ANK3: variants seen among roughly 807,000 people sequenced by gnomAD.
ANK3 encodes the protein ankyrin 3, also known as ankyrin-3.
In ANK3, 57 loss-of-function variants were observed where a neutral mutation model predicts 370.9. That is an observed-to-expected ratio of 0.15 (90% CI 0.12 to 0.19). The LOEUF is 0.19. ANK3 is among the 10% of genes least tolerant of loss of function. ANK3 has a pLI of 1.00. For synonymous variants in ANK3, 1,929 were observed against 1,946.3 expected, an observed-to-expected ratio of 0.99 and a Z score of 0.23; for missense variants, 4,439 against 5,302.1, an observed-to-expected ratio of 0.84 and a Z score of 5.06.
intron 2 of ANK3, among the ~76,000 whole-genome samples, chr10:60,423,524 G>A (rs1215086801): frequency 6.6e-6 from 1 of 151,208 alleles, no homozygotes; most frequent in Admixed American, 6.6e-5. Flanking sequence ...TAGTATCTGT[G>A]GTTGTCACTC....
At chr10:60,601,173 G>A (rs200897433) in intron 2 of ANK3, among the ~76,000 whole-genome samples, 57,950 of 147,422 alleles carry the variant, frequency 0.39, 11,303 homozygotes, top group African/African-American at 0.42. Context: ...TTTATACAAC[G>A]CACACACACA....
At chr10:60,139,991 T>C (rs1312829363) in intron 23 of ANK3, 2 of 261,966 alleles carry the variant, frequency 7.6e-6, no homozygotes, top group African/African-American at 2.2e-5. Context: ...TTACCCTCTT[T>C]CTGGACGCAA....
At chr10:60,445,547 T>TA (rs879406291) in intron 2 of ANK3, among the ~76,000 whole-genome samples, 3,300 of 139,502 alleles carry the variant, frequency 0.024, 118 homozygotes, top group African/African-American at 0.079. Context: ...TATCTTCTAC[T>TA]AAAAAAAAAA....
chr10:60,169,364 G>GTTTGTTTTTTTTT lies in ANK3; in HGVS notation c.2479-2469_2479-2468insAAAAAAAAACAAA, dbSNP rs397844967. ...TCCATCAACTGGGGCTTGTCTCATA[G>GTTTGTTTTTTTTT]TTTTTTTTTTTTTTTTTTTTTTTTA... On this transcript the variant is annotated intron_variant, in intron 21 of 43. Coordinates refer to ENST00000280772, the MANE Select transcript of ANK3 (RefSeq NM_020987.5). Among the ~76,000 whole-genome samples, 2 of 51,896 alleles carry GTTTGTTTTTTTTT rather than the reference G, an allele frequency of 3.9e-5. 1 individual carries two copies. 34.0% of individuals were successfully genotyped at this position (51,896 alleles called of 152,430 possible).
chr10:60,638,678 T>C (rs2078588686), intron 1 of ANK3, among the ~76,000 whole-genome samples: 1 of 151,466 alleles, frequency 6.6e-6, no homozygotes, highest in Non-Finnish European at 1.5e-5. Flanking sequence ...AAGAGAGAAC[T>C]AAAAAAAATA....
intron 6 of ANK3, among the ~76,000 whole-genome samples, chr10:60,262,419 G>C (rs148053748): frequency 6.6e-6 from 1 of 152,108 alleles, no homozygotes; most frequent in Non-Finnish European, 1.5e-5. Flanking sequence ...GGGGGAAGAC[G>C]TACTACCACA....
At chr10:60,114,151 G>T in intron 26 of ANK3, 74 bp downstream of exon 26, 2 of 739,148 alleles carry the variant, frequency 2.7e-6, no homozygotes, top group Non-Finnish European at 4.4e-6. Flanking sequence ...TTGTTGATGT[G>T]AATTTATAAC....
At chr10:60,126,682 C>T (rs1036880546) in intron 25 of ANK3, among the ~76,000 whole-genome samples, 8 of 138,682 alleles carry the variant, frequency 5.8e-5, no homozygotes, top group African/African-American at 1.3e-4. Flanking sequence ...AGTGAGACTC[C>T]GTCTCAAAAA....
At chr10:60,290,479 T>C (rs1229612302) in intron 1 of ANK3, among the ~76,000 whole-genome samples, 1 of 151,606 alleles carries the variant, frequency 6.6e-6, no homozygotes, top group Non-Finnish European at 1.5e-5. Context: ...AGAAGAGGAG[T>C]AGAGAGGGGG....
At chr10:60,428,469 T>A (rs1001404183) in intron 2 of ANK3, among the ~76,000 whole-genome samples, 9 of 152,186 alleles carry the variant, frequency 5.9e-5, no homozygotes, top group Non-Finnish European at 8.8e-5. Context: ...CCTTACAATT[T>A]CCTATTGTTC....
intron 1 of ANK3, among the ~76,000 whole-genome samples, chr10:60,351,891 A>G (rs75424556): frequency 0.02 from 3,001 of 152,310 alleles, 109 homozygotes; most frequent in African/African-American, 0.069. Flanking sequence ...TCAGATAACA[A>G]TGCATTAAAA....
rs1251794394 is a variant in ANK3, at chr10:60,198,470, T to C, written c.1559A>G (p.Gln520Arg). The C allele has an allele frequency of 1.2e-6, 2 of 1,614,226 alleles. No homozygotes were observed. The highest frequency in any genetic ancestry group is 1.1e-5 in the South Asian group (1 of 91,082). Residue 520 changes from glutamine (Q) to arginine (R), a missense_variant, in exon 14 of 44, where the codon CAG (glutamine) becomes CGG (arginine). Transcript: ENST00000280772. ...GKADIVQQLLQQGASPNAATT... is the reference protein window; with the variant it reads ...GKADIVQQLLRQGASPNAATT... ...GGCTGCATTTGGAGATGCCCCTTGC[T>C]GCAACAGCTGTTGTACTATGTCTGC...
At chr10:60,353,310 T>C (rs1049067222) in intron 1 of ANK3, among the ~76,000 whole-genome samples, 1 of 152,096 alleles carries the variant, frequency 6.6e-6, no homozygotes, top group Non-Finnish European at 1.5e-5. Flanking sequence ...GAATCTTAAA[T>C]CTAGTATTTC....
At chr10:60,675,064 G>T (rs1354836560) in intron 1 of ANK3, among the ~76,000 whole-genome samples, 1 of 152,114 alleles carries the variant, frequency 6.6e-6, no homozygotes, top group Non-Finnish European at 1.5e-5. Flanking sequence ...CATTATCATT[G>T]TTTGTGGAAT....
At chr10:60,264,237 T>C (rs1349062982) in intron 5 of ANK3, among the ~76,000 whole-genome samples, 1 of 152,148 alleles carries the variant, frequency 6.6e-6, no homozygotes, top group Non-Finnish European at 1.5e-5. Flanking sequence ...AATAAGTTCA[T>C]GGGTTTTGGT....
chr10:60,516,803 C>A (rs1475383887), intron 2 of ANK3, among the ~76,000 whole-genome samples: 1 of 152,056 alleles, frequency 6.6e-6, no homozygotes, highest in African/African-American at 2.4e-5. Flanking sequence ...AATGCACCAA[C>A]ACTCCAAATA....
chr10:60,234,062 T>C (rs1465767659), intron 8 of ANK3, among the ~76,000 whole-genome samples: 2 of 152,240 alleles, frequency 1.3e-5, no homozygotes, highest in East Asian at 3.8e-4. Context: ...ATCAATGCTG[T>C]AGCATGCAAC....
intron 2 of ANK3, among the ~76,000 whole-genome samples, chr10:60,517,823 C>A (rs990042211): frequency 2.0e-5 from 3 of 151,946 alleles, no homozygotes; most frequent in African/African-American, 7.2e-5. Context: ...AGGGTAGAGA[C>A]AAATCAGCCA....
At chr10:60,666,836 T>G (rs1007366037) in intron 1 of ANK3, among the ~76,000 whole-genome samples, 36 of 152,296 alleles carry the variant, frequency 2.4e-4, no homozygotes, top group African/African-American at 8.7e-4. Flanking sequence ...TGGCAAATCT[T>G]ATTCAAGATG....
Sources: allele counts gnomAD v4.1 joint callset (sites outside exome capture counted in the v4.1 genomes callset), GRCh38; gene constraint gnomAD v4.1.1; transcripts MANE v1.5; gene names NCBI Gene and HGNC (gene_info 2026-07-23, HGNC 2026-07-21).